Variants in SPTLC2 observed in about 807,000 individuals in gnomAD.
SPTLC2 encodes the protein serine palmitoyltransferase long chain base subunit 2.
A neutral mutation model predicts 62.0 loss-of-function variants in SPTLC2; 21 were observed. The observed-to-expected ratio is 0.34, with a 90% CI of 0.24 to 0.49. The LOEUF is 0.49. Ranked by LOEUF, SPTLC2 falls within the 20% of genes least tolerant of loss-of-function variation. The probability of loss-of-function intolerance (pLI) is 0.99; values close to 1 mark genes in which losing one functional copy is unlikely to be tolerated. For synonymous variants in SPTLC2, 261 were observed against 261.8 expected, an observed-to-expected ratio of 1.00 and a Z score of 0.03; for missense variants, 511 against 713.0, an observed-to-expected ratio of 0.72 and a Z score of 3.23.
At chr14:77,570,001 G>A (rs565175499) in intron 5 of SPTLC2, among the ~76,000 whole-genome samples, 2 of 149,856 alleles carry the variant, frequency 1.3e-5, no homozygotes, top group South Asian at 4.2e-4. Context: ...AAATCAAATT[G>A]AGACGAGGCC....
chr14:77,610,303 G>A (rs200504034), intron 1 of SPTLC2, among the ~76,000 whole-genome samples: 12 of 152,038 alleles, frequency 7.9e-5, no homozygotes, highest in Non-Finnish European at 1.5e-4. Context: ...CACCACACCC[G>A]GCTAATTTTT....
intron 2 of SPTLC2, among the ~76,000 whole-genome samples, chr14:77,584,626 C>T (rs1473874886): frequency 1.3e-5 from 2 of 152,168 alleles, no homozygotes; most frequent in East Asian, 3.8e-4. Context: ...TCTGTGCTCC[C>T]AACCCCAATG....
In SPTLC2 at chr14:77,586,878, TG is replaced by T. The variant is rs780093342; in HGVS notation, c.328-7770del. On this transcript the variant is annotated intron_variant, in intron 2 of 11. Transcript: ENST00000216484. The stretch of plus-strand genomic sequence containing the variant: ...GAGACACTAGTACATATATACCAAT[TG>T]AACTGGCAAAAATTTTAAATTCTGG... 6.6e-5 allele frequency among the ~76,000 whole-genome samples: 10 copies of T among 152,254 alleles called. No individual in the cohort carries two copies. In the South Asian group the frequency reaches 2.1e-3, roughly 32 times the overall value.
intron 7 of SPTLC2, among the ~76,000 whole-genome samples, chr14:77,556,647 C>G (rs889930637): frequency 6.6e-6 from 1 of 152,080 alleles, no homozygotes; most frequent in African/African-American, 2.4e-5. Context: ...CCACTTTTGC[C>G]TCCCAAAGTG....
intron 9 of SPTLC2, among the ~76,000 whole-genome samples, chr14:77,531,472 TCCCCC>T (rs2079439383): frequency 2.2e-5 from 2 of 91,180 alleles, no homozygotes; most frequent in Non-Finnish European, 4.3e-5. Context: ...CTCCTCCTCC[TCCCCC>T]TCCCCCTCCT....
At chr14:77,521,686 C>G in intron 9 of SPTLC2, 105 bp from the exon 10 acceptor site, 1 of 1,048,920 alleles carries the variant, frequency 9.5e-7, no homozygotes, top group Non-Finnish European at 1.4e-6. Context: ...AGTTCTGTTT[C>G]GTTTTTTTCC....
intron 2 of SPTLC2, among the ~76,000 whole-genome samples, chr14:77,586,483 T>A (rs1223863640): frequency 6.6e-6 from 1 of 152,200 alleles, no homozygotes; most frequent in Non-Finnish European, 1.5e-5. Context: ...TACTTGTATG[T>A]GAATGTTCAT....
intron 2 of SPTLC2, among the ~76,000 whole-genome samples, chr14:77,579,480 G>A (rs1247570601): frequency 6.6e-6 from 1 of 152,174 alleles, no homozygotes; most frequent in Non-Finnish European, 1.5e-5. Context: ...CAGGCTTGGT[G>A]GCTCACGTCT....
intron 6 of SPTLC2, among the ~76,000 whole-genome samples, chr14:77,560,817 A>T (rs2079610720): frequency 6.6e-6 from 1 of 151,976 alleles, no homozygotes; most frequent in Non-Finnish European, 1.5e-5. Flanking sequence ...CTGAGTACAT[A>T]CAGACACGAC....
chr14:77,529,184 G>T (rs745916938), intron 9 of SPTLC2, among the ~76,000 whole-genome samples: 2 of 150,608 alleles, frequency 1.3e-5, no homozygotes, highest in East Asian at 3.9e-4. Context: ...TTTTACTTTG[G>T]TTGGATTATA....
intron 9 of SPTLC2, among the ~76,000 whole-genome samples, chr14:77,544,188 T>G (rs2079516610): frequency 6.6e-6 from 1 of 152,164 alleles, no homozygotes; most frequent in African/African-American, 2.4e-5. Flanking sequence ...TAGAATTTTT[T>G]GTAGAGACAG....
chr14:77,568,192 CT>C (rs1863333239), intron 5 of SPTLC2, among the ~76,000 whole-genome samples: 12 of 152,192 alleles, frequency 7.9e-5, no homozygotes, highest in Admixed American at 4.6e-4. Flanking sequence ...TTATTTTCCC[CT>C]GTTTTTTCTT....
rs2079320152 is a variant in SPTLC2, at chr14:77,509,194, G to C, written c.*3090C>G. On this transcript the variant is annotated 3_prime_UTR_variant, in exon 12 of 12. Transcript: ENST00000216484. The stretch of plus-strand genomic sequence containing the variant: ...TTCAAACAAATAAGCAGTACTTTGG[G>C]GGTTATGGAGACTAGAAGCTTTTTT... 6.6e-6 allele frequency: 1 copy of C among 152,050 alleles called. No individual in the cohort carries two copies. Among genetic ancestry groups the C allele is most frequent in the Admixed American group, 6.6e-5 (1 of 15,256 alleles). 9.4% of individuals were successfully genotyped at this position (152,050 alleles called of 1,614,324 possible).
chr14:77,512,228 A>C lies in SPTLC2; in HGVS notation c.*56T>G. On this transcript the variant is annotated 3_prime_UTR_variant, in exon 12 of 12. Transcript: ENST00000216484. Reference sequence around the variant, plus strand: ...TGTGGTTCCTGGAACTGGCTCACAAAGGCCACAGGCTGTCCTGGGTGAGGG... The same window carrying C: ...TGTGGTTCCTGGAACTGGCTCACAACGGCCACAGGCTGTCCTGGGTGAGGG... The C allele has an allele frequency of 1.2e-6, 2 of 1,611,870 alleles. No homozygotes were observed. The highest frequency in any genetic ancestry group is 2.2e-5 in the South Asian group (2 of 90,950).
chr14:77,572,215 A>T (rs12588462), intron 4 of SPTLC2, among the ~76,000 whole-genome samples: 29,677 of 152,024 alleles, frequency 0.2, 3,458 homozygotes, highest in East Asian at 0.31. Flanking sequence ...TGCCAGTTAG[A>T]AACTCTGTTT....
chr14:77,590,033 T>G (rs1268489526), intron 2 of SPTLC2, among the ~76,000 whole-genome samples: 1 of 150,898 alleles, frequency 6.6e-6, no homozygotes, highest in African/African-American at 2.4e-5. Flanking sequence ...TAGAGTGCAG[T>G]GGCTCAATCA....
At chr14:77,521,603 A>G in intron 9 of SPTLC2, 22 bp from the exon 10 acceptor site, 1 of 1,609,316 alleles carries the variant, frequency 6.2e-7, no homozygotes, top group Non-Finnish European at 8.5e-7. Flanking sequence ...CGGTGAGAGA[A>G]AACAAAATAA....
At position 77,559,180 on chromosome 14, in the gene SPTLC2, G is replaced by A. The variant is rs778131796; in HGVS notation, c.851-2034C>T. 1.6e-4 allele frequency among the ~76,000 whole-genome samples: 24 copies of A among 152,050 alleles called. 1 individual carries two copies. Among genetic ancestry groups the A allele is most frequent in the East Asian group, 3.9e-4 (2 of 5,164 alleles). On this transcript the variant is annotated intron_variant, in intron 6 of 11. Transcript: ENST00000216484. The stretch of plus-strand genomic sequence containing the variant: ...ACTAAAAATACAAAAAAAATTAGCC[G>A]GTTGTGGTGGTGGGCACCTGTAATT...
At chr14:77,535,880 G>C in intron 9 of SPTLC2, 2 of 430,408 alleles carry the variant, frequency 4.6e-6, no homozygotes, top group Non-Finnish European at 9.1e-6. Flanking sequence ...TGGAGAAGTA[G>C]ACAGGTTCAA....
Sources: allele counts gnomAD v4.1 joint callset (sites outside exome capture counted in the v4.1 genomes callset), GRCh38; gene constraint gnomAD v4.1.1; transcripts MANE v1.5; gene names NCBI Gene and HGNC (gene_info 2026-07-23, HGNC 2026-07-21).